Variants in DGKH observed in about 807,000 individuals in gnomAD.
DGKH encodes diacylglycerol kinase eta, also known as DAG kinase eta.
Under a neutral mutation model 159.3 loss-of-function variants are expected in DGKH, and 90 were observed. That is an observed-to-expected ratio of 0.57 (90% CI 0.48 to 0.67). DGKH has a LOEUF of 0.67. DGKH is among the 30% of genes least tolerant of loss of function. The pLI is 0.00. For missense variants in DGKH, 1,181 were observed against 1,506.1 expected, an observed-to-expected ratio of 0.78 and a Z score of 3.57; for synonymous variants, 536 against 553.8, an observed-to-expected ratio of 0.97 and a Z score of 0.45.
intron 29 of DGKH, among the ~76,000 whole-genome samples, chr13:42,250,094 C>T (rs1425120076): frequency 6.6e-6 from 1 of 151,868 alleles, no homozygotes; most frequent in African/African-American, 2.4e-5. Context: ...CCTCAGCCTC[C>T]CGAGTAGCTG....
chr13:42,151,863 A>G (rs1393989961), intron 3 of DGKH, among the ~76,000 whole-genome samples: 1 of 152,110 alleles, frequency 6.6e-6, no homozygotes, highest in East Asian at 1.9e-4. Flanking sequence ...TCTTTGAGAA[A>G]TCTCTATACT....
intron 21 of DGKH, among the ~76,000 whole-genome samples, chr13:42,207,307 A>C (rs1400687055): frequency 6.6e-6 from 1 of 151,050 alleles, no homozygotes; most frequent in African/African-American, 2.4e-5. Flanking sequence ...CCCCTGCCTC[A>C]GCCTCCTGGG....
At chr13:42,206,894 G>A (rs1291068154) in intron 21 of DGKH, among the ~76,000 whole-genome samples, 1 of 151,756 alleles carries the variant, frequency 6.6e-6, no homozygotes, top group Non-Finnish European at 1.5e-5. Context: ...TCACGGGTTT[G>A]GGGGATTAGG....
At chr13:42,252,723 G>C (rs555375746) in intron 30 of DGKH, among the ~76,000 whole-genome samples, 2 of 152,016 alleles carry the variant, frequency 1.3e-5, no homozygotes, top group African/African-American at 2.4e-5. Flanking sequence ...CAACTGAGTC[G>C]GTTGGGGAAG....
intron 7 of DGKH, among the ~76,000 whole-genome samples, chr13:42,165,061 C>T (rs1440400836): frequency 6.6e-6 from 1 of 152,024 alleles, no homozygotes. Flanking sequence ...TCTTCTCTTT[C>T]TCTCTCTTCG....
At chr13:42,209,938 T>A (rs936649175) in intron 23 of DGKH, among the ~76,000 whole-genome samples, 1 of 151,902 alleles carries the variant, frequency 6.6e-6, no homozygotes, top group Non-Finnish European at 1.5e-5. Flanking sequence ...TAAAAATTCC[T>A]TATGGTCTAC....
chr13:42,089,745 C>T (rs1195317546), intron 1 of DGKH, among the ~76,000 whole-genome samples: 1 of 152,172 alleles, frequency 6.6e-6, no homozygotes, highest in Non-Finnish European at 1.5e-5. Context: ...CTCCATCTCT[C>T]AAGATCAGCT....
intron 7 of DGKH, among the ~76,000 whole-genome samples, chr13:42,162,671 G>T (rs1431409418): frequency 6.6e-6 from 1 of 151,910 alleles, no homozygotes; most frequent in Non-Finnish European, 1.5e-5. Context: ...AGGAGCAGTG[G>T]CAGGTACCTG....
rs1958461737 is a variant in DGKH at position 42,238,530 on chromosome 13, A to G, written c.*9342A>G. The G allele has an allele frequency of 6.6e-6, 1 of 152,178 alleles. No homozygotes were observed. Among genetic ancestry groups the G allele is most frequent in the Non-Finnish European group, 1.5e-5 (1 of 67,994 alleles). The allele number at this position is 152,178 out of a possible 1,614,324, so 9.4% of individuals were successfully genotyped here. On this transcript the variant is annotated 3_prime_UTR_variant, in exon 30 of 30. Transcript: ENST00000337343. ...ATATCTTTTCTTAGTTTAACTCCCC[A>G]AAGAGGAAAATGTCTCTTTAAACCA...
In DGKH at chr13:42,235,437, A is replaced by T. The variant is rs1958393288; in HGVS notation, c.*6249A>T. The T allele has an allele frequency of 6.6e-6, 1 of 152,138 alleles. No individual in the cohort carries two copies. Among genetic ancestry groups the T allele is most frequent in the Admixed American group, 6.5e-5 (1 of 15,268 alleles). 9.4% of individuals were successfully genotyped at this position (152,138 alleles called of 1,614,324 possible). A position where few individuals can be genotyped will look rare whatever the true frequency, so the allele number is the denominator to read the frequency against. On this transcript the variant is annotated 3_prime_UTR_variant, in exon 30 of 30. Coordinates refer to ENST00000337343, the MANE Select transcript of DGKH (RefSeq NM_178009.5). ...TTTCAAAAGTGAATTAACCAAACCT[A>T]AAAAAAGGGTTACTTTTAAAATGCA...
intron 24 of DGKH, among the ~76,000 whole-genome samples, chr13:42,212,737 A>G (rs9533037): frequency 0.25 from 37,279 of 152,100 alleles, 4,683 homozygotes; most frequent in African/African-American, 0.28. Context: ...ATACAAGATG[A>G]TTATTTGACA....
chr13:42,142,012 G>A (rs1955575352), intron 3 of DGKH, among the ~76,000 whole-genome samples: 2 of 150,976 alleles, frequency 1.3e-5, no homozygotes, highest in Admixed American at 1.3e-4. Context: ...TTTCTTCTAG[G>A]GTTTTTATGG....
intron 12 of DGKH, 130 bp from the exon 13 acceptor site, chr13:42,178,005 T>G (rs565406453): frequency 2.1e-6 from 1 of 472,556 alleles, no homozygotes; most frequent in African/African-American, 2.0e-5. Flanking sequence ...GATGACTCTT[T>G]CATATATTTC....
intron 7 of DGKH, among the ~76,000 whole-genome samples, chr13:42,160,665 A>G (rs945691306): frequency 1.3e-5 from 2 of 152,166 alleles, no homozygotes; most frequent in Non-Finnish European, 2.9e-5. Flanking sequence ...GTGGCATGGG[A>G]CTGAAAAACT....
chr13:42,197,678 T>C (rs1195006368), intron 17 of DGKH, among the ~76,000 whole-genome samples: 1 of 152,026 alleles, frequency 6.6e-6, no homozygotes, highest in African/African-American at 2.4e-5. Context: ...ACCATTGCAC[T>C]CCAGCCTAGG....
Position 42,161,265 on chromosome 13 carries a change from A to G in DGKH, c.855+1129A>G, listed in dbSNP as rs3742260. On this transcript the variant is annotated intron_variant, in intron 7 of 29. Coordinates refer to ENST00000337343, the MANE Select transcript of DGKH (RefSeq NM_178009.5). ...TTTTGAGAGGACAACCACTGATAACAAATTTTCCTGCTATTTTTATTGGCC... is the reference window on the plus strand; with the variant it reads ...TTTTGAGAGGACAACCACTGATAACGAATTTTCCTGCTATTTTTATTGGCC... Among the ~76,000 whole-genome samples the G allele has an allele frequency of 5.8e-4, 89 of 152,346 alleles. 1 individual carries two copies. The East Asian group carries it at 0.015, about 26-fold the overall frequency.
rs552915823 is a variant in DGKH, at chr13:42,133,208, T to C, written c.384+3576T>C. Among the ~76,000 whole-genome samples the C allele has an allele frequency of 1.6e-4, 25 of 152,038 alleles. No individual in the cohort carries two copies. The South Asian group carries it at 5.2e-3, about 32-fold the overall frequency. ...AATTTTTTTTTTTACTATTTATTTT[T>C]ATTATAACCTCCTTGAGGATAGGGA... On this transcript the variant is annotated intron_variant, in intron 3 of 29. Coordinates refer to ENST00000337343, the MANE Select transcript of DGKH (RefSeq NM_178009.5).
intron 1 of DGKH, among the ~76,000 whole-genome samples, chr13:42,076,919 T>C (rs1290051755): frequency 1.3e-5 from 2 of 152,194 alleles, no homozygotes; most frequent in Admixed American, 6.5e-5. Context: ...TTCTTAAACA[T>C]GCTGTAAAAT....
chr13:42,055,224 G>A (rs951622680), intron 1 of DGKH, among the ~76,000 whole-genome samples: 1 of 152,180 alleles, frequency 6.6e-6, no homozygotes, highest in African/African-American at 2.4e-5. Context: ...TTAAGGTGCT[G>A]TTAAATATGA....
Sources: gnomAD v4.1 joint callset for allele counts (sites outside exome capture counted in the v4.1 genomes callset) on GRCh38, gnomAD v4.1.1 for gene constraint, MANE v1.5 for transcripts, NCBI Gene and HGNC (gene_info 2026-07-23, HGNC 2026-07-21) for gene names.